The following SLC8A1 variants were observed in gnomAD, a reference collection of about 807,000 sequenced individuals.
SLC8A1 encodes the protein sodium/calcium exchanger 1.
SLC8A1 carries 18 observed loss-of-function variants against 68.3 expected under a neutral mutation model. The ratio of observed to expected loss-of-function variants is 0.26; its 90% confidence interval spans 0.18 to 0.39. The LOEUF (loss-of-function observed/expected upper bound fraction) is 0.39. Among genes scored for constraint, SLC8A1 ranks in the 10% least tolerant of loss-of-function variants. The pLI is 1.00. For synonymous variants in SLC8A1, 475 were observed against 415.5 expected (o/e 1.14, Z -1.74); for missense variants, 985 against 1,156.7 (o/e 0.85, Z 2.15).
chr2:40,404,998 G>A (rs980643232), intron 2 of SLC8A1, among the ~76,000 whole-genome samples: 3 of 152,014 alleles, frequency 2.0e-5, no homozygotes, highest in Non-Finnish European at 4.4e-5. Context: ...ATAATCCCAC[G>A]AAAATTCTGT....
intron 2 of SLC8A1, among the ~76,000 whole-genome samples, chr2:40,395,917 C>T (rs1253799230): frequency 2.0e-5 from 3 of 152,092 alleles, no homozygotes; most frequent in Admixed American, 1.3e-4. Flanking sequence ...AATGAACACA[C>T]GCTGCCTTTT....
intron 2 of SLC8A1, among the ~76,000 whole-genome samples, chr2:40,361,542 T>C (rs190152092): frequency 6.6e-6 from 1 of 151,958 alleles, no homozygotes; most frequent in East Asian, 2.0e-4. Context: ...GGCCATTTCA[T>C]ACAAAGGGAC....
intron 2 of SLC8A1, among the ~76,000 whole-genome samples, chr2:40,226,270 TTC>T (rs1417053382): frequency 6.6e-6 from 1 of 152,146 alleles, no homozygotes; most frequent in Non-Finnish European, 1.5e-5. Flanking sequence ...TTTGTGCAAC[TTC>T]TCTGTAATTA....
chr2:40,262,051 C>T (rs2064780281), intron 2 of SLC8A1, among the ~76,000 whole-genome samples: 1 of 151,838 alleles, frequency 6.6e-6, no homozygotes, highest in Non-Finnish European at 1.5e-5. Context: ...CAGCCACTGC[C>T]TCCTGGGTTC....
At chr2:40,280,145 A>G (rs1469115627) in intron 2 of SLC8A1, among the ~76,000 whole-genome samples, 2 of 151,962 alleles carry the variant, frequency 1.3e-5, no homozygotes, top group African/African-American at 4.8e-5. Context: ...GATTGCAAAA[A>G]CAGACATGAA....
chr2:40,257,859 C>A (rs1292338071), intron 2 of SLC8A1, among the ~76,000 whole-genome samples: 1 of 152,204 alleles, frequency 6.6e-6, no homozygotes, highest in Non-Finnish European at 1.5e-5. Flanking sequence ...CACATCTCCA[C>A]ATGGACACAG....
intron 2 of SLC8A1, among the ~76,000 whole-genome samples, chr2:40,364,894 G>C (rs550078279): frequency 6.6e-6 from 1 of 152,008 alleles, no homozygotes; most frequent in African/African-American, 2.4e-5. Context: ...GAAATGACAG[G>C]GAACAGCTTT....
chr2:40,384,034 G>C (rs1682781021), intron 2 of SLC8A1, among the ~76,000 whole-genome samples: 1 of 151,946 alleles, frequency 6.6e-6, no homozygotes, highest in Non-Finnish European at 1.5e-5. Flanking sequence ...GTTGAAATGG[G>C]AAGATTGCTT....
chr2:40,439,673 G>A (rs367697716), intron 1 of SLC8A1, among the ~76,000 whole-genome samples: 1 of 152,154 alleles, frequency 6.6e-6, no homozygotes, highest in African/African-American at 2.4e-5. Flanking sequence ...GAGTCATTAA[G>A]ATTCATCTTC....
chr2:40,376,096 C>T (rs994401506), intron 2 of SLC8A1, among the ~76,000 whole-genome samples: 6 of 152,216 alleles, frequency 3.9e-5, no homozygotes, highest in Admixed American at 6.5e-5. Flanking sequence ...GACTCTCAAA[C>T]CTAAAATTTT....
At chr2:40,322,064 C>T (rs2075267131) in intron 2 of SLC8A1, among the ~76,000 whole-genome samples, 1 of 152,096 alleles carries the variant, frequency 6.6e-6, no homozygotes, top group Admixed American at 6.6e-5. Context: ...ACAAAGTTCA[C>T]ATATTTTTAG....
intron 2 of SLC8A1, among the ~76,000 whole-genome samples, chr2:40,218,601 G>A (rs992155104): frequency 2.6e-5 from 4 of 151,482 alleles, no homozygotes; most frequent in Admixed American, 6.6e-5. Flanking sequence ...GGAATTTTCT[G>A]TATATAAAGC....
At position 40,127,905 on chromosome 2, in the gene SLC8A1, C is replaced by T. The variant is rs545418557; in HGVS notation, c.2437+11496G>A. Reference sequence around the variant, plus strand: ...TGAGCTGAACAAAGGTTATAAAATACGGGCACTAACGGAGTTAGTGTTTTT... The same window carrying T: ...TGAGCTGAACAAAGGTTATAAAATATGGGCACTAACGGAGTTAGTGTTTTT... On this transcript the variant is annotated intron_variant, in intron 7 of 7. Coordinates refer to ENST00000406785, the Ensembl canonical transcript of SLC8A1. 2.5e-4 allele frequency among the ~76,000 whole-genome samples: 38 copies of T among 152,218 alleles called. 1 individual carries two copies. The South Asian group carries it at 7.5e-3, about 30-fold the overall frequency.
intron 1 of SLC8A1, among the ~76,000 whole-genome samples, chr2:40,509,896 TGCCTCCCAGCAATCTCC>T (rs1706609267): frequency 6.6e-6 from 1 of 152,018 alleles, no homozygotes; most frequent in Non-Finnish European, 1.5e-5. Context: ...AAGCAATCTC[TGCCTCCCAGCAATCTCC>T]GCCTCCCAGG....
At chr2:40,334,258 T>A (rs1021100578) in intron 2 of SLC8A1, among the ~76,000 whole-genome samples, 1 of 152,200 alleles carries the variant, frequency 6.6e-6, no homozygotes, top group African/African-American at 2.4e-5. Flanking sequence ...TGTGATGTTA[T>A]CAATGGAGGA....
chr2:40,184,861 C>T (rs1035638905), intron 2 of SLC8A1, among the ~76,000 whole-genome samples: 13 of 130,776 alleles, frequency 9.9e-5, no homozygotes, highest in African/African-American at 3.8e-4. Flanking sequence ...TCAGGATAAA[C>T]TCCTCTTACA....
exon 8 of SLC8A1, chr2:40,110,312 G>A (rs1030307960): frequency 2.6e-5 from 4 of 151,978 alleles, no homozygotes; most frequent in East Asian, 1.9e-4. Context: ...TAATACCATC[G>A]GGACCGCCCA....
chr2:40,126,748 C>T (rs1008035706), intron 7 of SLC8A1, among the ~76,000 whole-genome samples: 1 of 152,098 alleles, frequency 6.6e-6, no homozygotes, highest in Non-Finnish European at 1.5e-5. Flanking sequence ...TCTATGGCTC[C>T]ATGATCTCGT....
At position 40,406,548 on chromosome 2, in the gene SLC8A1, A is replaced by G. The variant is rs79813537; in HGVS notation, c.1808+21925T>C. On this transcript the variant is annotated intron_variant, in intron 2 of 7. Coordinates refer to ENST00000406785, the Ensembl canonical transcript of SLC8A1. ...TGAGGGTAGGAAAATGGGCCATCAC[A>G]CGATCTAAGGTGAAGGCTAAGGGCA... 3.6e-3 allele frequency among the ~76,000 whole-genome samples: 541 copies of G among 152,318 alleles called. 4 individuals carry two copies. Among genetic ancestry groups the G allele is most frequent in the African/African-American group, 0.013 (521 of 41,552 alleles).
Sources: gnomAD v4.1 joint callset for allele counts (sites outside exome capture counted in the v4.1 genomes callset) on GRCh38, gnomAD v4.1.1 for gene constraint, MANE v1.5 for transcripts, NCBI Gene and HGNC (gene_info 2026-07-23, HGNC 2026-07-21) for gene names.